The following RARB variants were observed in gnomAD, a reference collection of about 807,000 sequenced individuals.
RARB encodes the protein retinoic acid receptor beta, also known as HBV-activated protein.
Under a neutral mutation model 51.9 loss-of-function variants are expected in RARB, and 17 were observed. The ratio of observed to expected loss-of-function variants is 0.33; its 90% confidence interval spans 0.22 to 0.49. The LOEUF (loss-of-function observed/expected upper bound fraction) is 0.49. Among genes scored for constraint, RARB ranks in the 20% least tolerant of loss-of-function variants. The probability of loss-of-function intolerance (pLI) is 0.99; values close to 1 mark genes in which losing one functional copy is unlikely to be tolerated. For synonymous variants in RARB, 215 were observed against 195.4 expected (o/e 1.10, Z -0.84); for missense variants, 369 against 550.8 (o/e 0.67, Z 3.30).
intron 5 of RARB, among the ~76,000 whole-genome samples, chr3:25,411,682 T>C (rs377181634): frequency 2.6e-5 from 4 of 152,178 alleles, no homozygotes; most frequent in Non-Finnish European, 5.9e-5. Flanking sequence ...TGAAAACTAG[T>C]AATCTAAGTC....
At chr3:24,874,956 G>A (rs1387502492) in intron 2 of RARB, among the ~76,000 whole-genome samples, 1 of 151,906 alleles carries the variant, frequency 6.6e-6, no homozygotes, top group Non-Finnish European at 1.5e-5. Flanking sequence ...AGACAATTAT[G>A]CCTAACACAT....
At chr3:25,289,640 C>T (rs1334417304) in intron 5 of RARB, among the ~76,000 whole-genome samples, 1 of 152,208 alleles carries the variant, frequency 6.6e-6, no homozygotes, top group African/African-American at 2.4e-5. Flanking sequence ...TTCCTTCACC[C>T]CTTTCTTCCT....
At chr3:25,541,229 T>A (rs1467519006) in intron 3 of RARB, among the ~76,000 whole-genome samples, 1 of 152,228 alleles carries the variant, frequency 6.6e-6, no homozygotes, top group Non-Finnish European at 1.5e-5. Context: ...TTAGCCACTC[T>A]AGTGGCCCTG....
At chr3:24,830,024 T>G (rs1379822010) in intron 1 of RARB, among the ~76,000 whole-genome samples, 1 of 152,028 alleles carries the variant, frequency 6.6e-6, no homozygotes, top group Non-Finnish European at 1.5e-5. Flanking sequence ...AGGGAGCGGG[T>G]AGCGCCAGGC....
At chr3:24,976,659 A>G (rs759194324) in intron 2 of RARB, among the ~76,000 whole-genome samples, 3 of 152,068 alleles carry the variant, frequency 2.0e-5, no homozygotes, top group Non-Finnish European at 4.4e-5. Flanking sequence ...TCTGCATATT[A>G]GCCCTTTGTC....
chr3:25,132,728 G>C (rs1413369384), intron 4 of RARB, among the ~76,000 whole-genome samples: 1 of 151,846 alleles, frequency 6.6e-6, no homozygotes, highest in Non-Finnish European at 1.5e-5. Context: ...TGGCTTTTAA[G>C]TGTTCTCACT....
intron 5 of RARB, among the ~76,000 whole-genome samples, chr3:25,359,478 G>T (rs1338659785): frequency 6.6e-6 from 1 of 151,544 alleles, no homozygotes; most frequent in Non-Finnish European, 1.5e-5. Flanking sequence ...GTCTCTTTCA[G>T]TTCTGCTCTG....
chr3:24,904,687 A>T (rs1266404373), intron 2 of RARB, among the ~76,000 whole-genome samples: 1 of 152,236 alleles, frequency 6.6e-6, no homozygotes, highest in East Asian at 1.9e-4. Flanking sequence ...ATTAGAAATC[A>T]TTCTACTATG....
chr3:25,205,062 G>A (rs1351436149), intron 5 of RARB, among the ~76,000 whole-genome samples: 1 of 152,166 alleles, frequency 6.6e-6, no homozygotes, highest in East Asian at 1.9e-4. Context: ...TTGAGCTGTG[G>A]TGGGCTCTAC....
In RARB at chr3:25,387,673, CA is replaced by C. The variant is rs544524828; in HGVS notation, c.179-73519del. Among the ~76,000 whole-genome samples the C allele has an allele frequency of 2.6e-3, 400 of 152,218 alleles. 1 individual carries two copies. The highest frequency in any genetic ancestry group is 9.3e-3 in the African/African-American group (388 of 41,520). On this transcript the variant is annotated intron_variant, in intron 5 of 11. Coordinates refer to the RARB transcript ENST00000383772. Reference sequence around the variant, plus strand: ...AGGCCCCTGTGAGTGTAAAGTGGCTCACCATCAGGTCCTCTCCCCATCTCTT... The same window carrying C: ...AGGCCCCTGTGAGTGTAAAGTGGCTCCCATCAGGTCCTCTCCCCATCTCTT...
rs111269461 is a variant in RARB, at chr3:25,352,780, C to T, written c.179-108413C>T. Among the ~76,000 whole-genome samples, 184 of 152,278 alleles carry T rather than the reference C, an allele frequency of 1.2e-3. 1 individual carries two copies. The highest frequency in any genetic ancestry group is 3.4e-3 in the Middle Eastern group (1 of 294). ...CATTTCAGGAATAAGTAACATCACT[C>T]ATTACTTTCCACTTCCTTCTTGAGC... On this transcript the variant is annotated intron_variant, in intron 5 of 11. Coordinates refer to the RARB transcript ENST00000383772.
At chr3:25,566,253 C>T (rs538112962) in intron 3 of RARB, among the ~76,000 whole-genome samples, 2 of 152,312 alleles carry the variant, frequency 1.3e-5, no homozygotes, top group South Asian at 2.1e-4. Flanking sequence ...TGTCCGTCAA[C>T]TTATGAAGCT....
chr3:25,561,320 A>G (rs984178668), intron 3 of RARB, among the ~76,000 whole-genome samples: 2 of 152,214 alleles, frequency 1.3e-5, no homozygotes, highest in African/African-American at 2.4e-5. Flanking sequence ...ATCCTGTAGC[A>G]TAAAAGGCAT....
chr3:25,213,956 A>G (rs1701759084), intron 5 of RARB, among the ~76,000 whole-genome samples: 1 of 152,210 alleles, frequency 6.6e-6, no homozygotes, highest in African/African-American at 2.4e-5. Context: ...ATTTCTAGAC[A>G]TGCTGATGGC....
intron 1 of RARB, among the ~76,000 whole-genome samples, chr3:25,435,520 C>T (rs990788639): frequency 1.3e-5 from 2 of 152,074 alleles, no homozygotes; most frequent in African/African-American, 4.8e-5. Context: ...TTTTTAGGGG[C>T]TGGTCTATTG....
rs531004684 is a variant in RARB, at chr3:25,138,444, G to A, written c.-280+6236G>A. Among the ~76,000 whole-genome samples, 4 of 151,774 alleles carry A rather than the reference G, an allele frequency of 2.6e-5. No homozygotes were observed. In the South Asian group the frequency reaches 8.3e-4, roughly 32 times the overall value. ...CCCTGCCCCTGGTTTGTTGTACCAA[G>A]GTATATAGAGTAATGCAAAATAGAC... On this transcript the variant is annotated intron_variant, in intron 4 of 11. Transcript: ENST00000383772.
intron 1 of RARB, among the ~76,000 whole-genome samples, chr3:24,846,977 G>C (rs1313438709): frequency 6.6e-6 from 1 of 152,138 alleles, no homozygotes; most frequent in Non-Finnish European, 1.5e-5. Context: ...ATTCGTAAGA[G>C]TGTCTTCTAT....
chr3:25,403,915 A>AT lies in RARB; in HGVS notation c.179-57269dup, dbSNP rs894321528. On this transcript the variant is annotated intron_variant, in intron 5 of 11. Coordinates refer to the RARB transcript ENST00000383772. ...AAAAAAAAAAAAAAAAAAATTGAGT[A>AT]TTTTTTTTTCCAGAAGCTTATAGTT... Among the ~76,000 whole-genome samples the AT allele has an allele frequency of 2.0e-3, 241 of 119,024 alleles. 1 individual carries two copies. The highest frequency in any genetic ancestry group is 9.2e-3 in the South Asian group (31 of 3,358). The allele number at this position is 119,024 out of a possible 152,430, so 78.1% of individuals were successfully genotyped here. A position where few individuals can be genotyped will look rare whatever the true frequency, so the allele number is the denominator to read the frequency against.
At chr3:24,931,133 T>C (rs537619209) in intron 2 of RARB, among the ~76,000 whole-genome samples, 4 of 152,214 alleles carry the variant, frequency 2.6e-5, no homozygotes, top group African/African-American at 9.6e-5. Context: ...CAGTCTATAC[T>C]TTTAAGTACT....
Sources: allele counts gnomAD v4.1 joint callset (sites outside exome capture counted in the v4.1 genomes callset), GRCh38; gene constraint gnomAD v4.1.1; transcripts MANE v1.5; gene names NCBI Gene and HGNC (gene_info 2026-07-23, HGNC 2026-07-21).